IGF2BP2: variants seen among roughly 807,000 people sequenced by gnomAD.
IGF2BP2 encodes insulin-like growth factor 2 mRNA-binding protein 2.
IGF2BP2 carries 17 observed loss-of-function variants against 75.8 expected under a neutral mutation model. That is an observed-to-expected ratio of 0.22 (90% CI 0.15 to 0.34). IGF2BP2 has a LOEUF of 0.34. IGF2BP2 is among the 10% of genes least tolerant of loss of function. The probability of loss-of-function intolerance (pLI) is 1.00; values close to 1 mark genes in which losing one functional copy is unlikely to be tolerated. For missense variants in IGF2BP2, 516 were observed against 772.4 expected (o/e 0.67, Z 3.93); for synonymous variants, 288 against 295.6 (o/e 0.97, Z 0.26).
intron 6 of IGF2BP2, among the ~76,000 whole-genome samples, chr3:185,688,648 C>T (rs1312969393): frequency 6.6e-6 from 1 of 152,094 alleles, no homozygotes; most frequent in East Asian, 1.9e-4. Context: ...ACAGAGGGTG[C>T]CCAGCCAGAA....
In IGF2BP2 at chr3:185,816,706, C is replaced by T. The variant is rs534845709; in HGVS notation, c.239+6447G>A. On this transcript the variant is annotated intron_variant, in intron 2 of 15. Coordinates refer to ENST00000382199, the MANE Select transcript of IGF2BP2 (RefSeq NM_006548.6). ...AAAAAAAGAGATAGTATCAATTGTC[C>T]TATTTTTCACAAAATTATTATTTGG... is the stretch of plus-strand genomic sequence containing the variant. 5.3e-5 allele frequency among the ~76,000 whole-genome samples: 8 copies of T among 152,244 alleles called. No homozygotes were observed. The East Asian group carries it at 5.8e-4, about 11-fold the overall frequency.
At chr3:185,778,453 T>G (rs759889321) in intron 2 of IGF2BP2, among the ~76,000 whole-genome samples, 3 of 152,194 alleles carry the variant, frequency 2.0e-5, no homozygotes, top group Non-Finnish European at 4.4e-5. Context: ...TAAAGCAACA[T>G]AAAACTGAAT....
chr3:185,764,710 T>C (rs1202631293), intron 2 of IGF2BP2, among the ~76,000 whole-genome samples: 1 of 152,216 alleles, frequency 6.6e-6, no homozygotes, highest in Non-Finnish European at 1.5e-5. Flanking sequence ...ATAATTATAT[T>C]ACGATAAAAC....
Position 185,792,327 on chromosome 3 carries a change from G to T in IGF2BP2, c.239+30826C>A, listed in dbSNP as rs557002951. Among the ~76,000 whole-genome samples the T allele has an allele frequency of 1.3e-4, 20 of 152,308 alleles. No homozygotes were observed. The South Asian group carries it at 3.5e-3, about 27-fold the overall frequency. On this transcript the variant is annotated intron_variant, in intron 2 of 15. Transcript: ENST00000382199. ...ACACAAACAGTTTAAAAACAGGGCT[G>T]GGCGGGGTGGCTCATGCCTATAATC...
intron 10 of IGF2BP2, 126 bp downstream of exon 10, chr3:185,672,415 G>A (rs1007221486): frequency 3.2e-6 from 3 of 945,890 alleles, no homozygotes; most frequent in African/African-American, 3.3e-5. Flanking sequence ...AACCTACATT[G>A]GATTCATCTC....
At chr3:185,665,219 AGGAGGAGGAGGAGGAGG>A (rs1717139041) in intron 10 of IGF2BP2, among the ~76,000 whole-genome samples, 15 of 143,964 alleles carry the variant, frequency 1.0e-4, no homozygotes, top group African/African-American at 3.3e-4. Context: ...GAGAAGGAAG[AGGAGGAGGAGGAGGAGG>A]AGAAGGAGAA....
At chr3:185,740,507 A>G (rs1448500875) in intron 2 of IGF2BP2, among the ~76,000 whole-genome samples, 3 of 152,154 alleles carry the variant, frequency 2.0e-5, no homozygotes, top group Non-Finnish European at 4.4e-5. Context: ...TCACCTCCCA[A>G]CCTTAGAAGT....
chr3:185,670,142 T>A (rs1437840597), intron 10 of IGF2BP2, among the ~76,000 whole-genome samples: 1 of 152,208 alleles, frequency 6.6e-6, no homozygotes, highest in African/African-American at 2.4e-5. Flanking sequence ...AGTTTAACAA[T>A]TTTTTATTTA....
intron 10 of IGF2BP2, among the ~76,000 whole-genome samples, chr3:185,669,271 T>C (rs1223047705): frequency 1.3e-5 from 2 of 152,098 alleles, no homozygotes; most frequent in Non-Finnish European, 2.9e-5. Context: ...AGGAAATAAT[T>C]GGATAAATGA....
intron 2 of IGF2BP2, among the ~76,000 whole-genome samples, chr3:185,750,194 T>C (rs759364021): frequency 2.0e-5 from 3 of 152,208 alleles, no homozygotes; most frequent in East Asian, 1.9e-4. Context: ...ATCTATTATG[T>C]AGTGTGAACA....
intron 2 of IGF2BP2, among the ~76,000 whole-genome samples, chr3:185,796,619 A>G (rs1048353598): frequency 5.1e-5 from 5 of 97,680 alleles, no homozygotes; most frequent in African/African-American, 2.7e-4. Context: ...TGAGCTAGGA[A>G]AAAAAAAAAA....
chr3:185,730,654 G>A (rs898540257), intron 2 of IGF2BP2, among the ~76,000 whole-genome samples: 18 of 151,974 alleles, frequency 1.2e-4, no homozygotes, highest in African/African-American at 3.9e-4. Flanking sequence ...GGCTCGTCTC[G>A]AGCTCCCGAC....
chr3:185,758,091 C>CTT (rs1731879852), intron 2 of IGF2BP2, among the ~76,000 whole-genome samples: 1 of 152,220 alleles, frequency 6.6e-6, no homozygotes, highest in Non-Finnish European at 1.5e-5. Flanking sequence ...TTGTGAAACT[C>CTT]TGATCACAAC....
chr3:185,710,733 A>C (rs889975390), intron 2 of IGF2BP2, among the ~76,000 whole-genome samples: 1 of 152,128 alleles, frequency 6.6e-6, no homozygotes, highest in Non-Finnish European at 1.5e-5. Context: ...ACTCAGTCTC[A>C]AAATAAAAAA....
chr3:185,701,386 AAG>A (rs1723286989), intron 2 of IGF2BP2, among the ~76,000 whole-genome samples: 1 of 150,988 alleles, frequency 6.6e-6, no homozygotes, highest in Admixed American at 6.6e-5. Flanking sequence ...AAAAAAAAGA[AAG>A]AAAGAAAGAA....
rs201867729 is a variant in IGF2BP2 at position 185,645,552 on chromosome 3, G to A, written c.1779C>T (p.Val593=). The A allele has an allele frequency of 1.6e-5, 25 of 1,612,864 alleles. No individual in the cohort carries two copies. The highest frequency in any genetic ancestry group is 2.2e-5 in the East Asian group (1 of 44,876). Residue 593 remains valine (V), a synonymous_variant, in exon 16 of 16, where the codon GTC becomes GTT. Coordinates refer to ENST00000382199, the MANE Select transcript of IGF2BP2 (RefSeq NM_006548.6). The surrounding 1 kb of genome is among the most constrained non-coding windows in gnomAD (Gnocchi z 4.9). ...AGCCTCACTTGCTGCGCTGTGAGGC[G>A]ACTCCCTGAGGGTATTTCTGCTCCT... The part of the protein sequence containing the change: ...KQQEQKYPQG[V]ASQRSK
chr3:185,807,507 G>A lies in IGF2BP2; in HGVS notation c.239+15646C>T, dbSNP rs555859452. 2.6e-5 allele frequency among the ~76,000 whole-genome samples: 4 copies of A among 152,228 alleles called. No individual in the cohort carries two copies. The South Asian group carries it at 6.2e-4, about 24-fold the overall frequency. ...AAAAGAGGTTAATTATAAATGTAAGGGGATTATTACTTTTCAGTATATGCC... is the reference window on the plus strand; with the variant it reads ...AAAAGAGGTTAATTATAAATGTAAGAGGATTATTACTTTTCAGTATATGCC... On this transcript the variant is annotated intron_variant, in intron 2 of 15. Coordinates refer to ENST00000382199, the MANE Select transcript of IGF2BP2 (RefSeq NM_006548.6).
In IGF2BP2 at chr3:185,796,284, G is replaced by A. The variant is rs190974022; in HGVS notation, c.239+26869C>T. Among the ~76,000 whole-genome samples, 878 of 152,014 alleles carry A rather than the reference G, an allele frequency of 5.8e-3. 9 individuals are homozygous for A. The highest frequency in any genetic ancestry group is 0.02 in the African/African-American group (834 of 41,470). ...TGAAATAAGAGCTCCAGGGATAGGC[G>A]GGGCATGGTGGCTCACGCCTGTAAT... On this transcript the variant is annotated intron_variant, in intron 2 of 15. Transcript: ENST00000382199.
At chr3:185,756,559 A>T (rs182429569) in intron 2 of IGF2BP2, among the ~76,000 whole-genome samples, 2 of 152,058 alleles carry the variant, frequency 1.3e-5, no homozygotes, top group East Asian at 3.9e-4. Flanking sequence ...CCAATATCCT[A>T]GTTCAGGCTC....
Sources: allele counts gnomAD v4.1 joint callset (sites outside exome capture counted in the v4.1 genomes callset), GRCh38; gene constraint gnomAD v4.1.1; non-coding constraint Gnocchi (gnomAD v3.1); transcripts MANE v1.5; gene names NCBI Gene and HGNC (gene_info 2026-07-23, HGNC 2026-07-21).